Variants in PABPC4L observed in about 807,000 individuals in gnomAD.
The protein encoded by PABPC4L is poly(A) binding protein cytoplasmic 4 like, also known as polyadenylate-binding protein 4-like.
For missense variants in PABPC4L, 452 were observed against 451.4 expected (o/e 1.00, Z -0.01); for synonymous variants, 169 against 164.1 (o/e 1.03, Z -0.23).
At chr4:134,069,731 A>G in the PABPC4L span, among the ~76,000 whole-genome samples, 3 of 152,138 alleles carry the variant, frequency 2.0e-5, no homozygotes, top group African/African-American at 2.4e-5. Context: ...ATTTTATTAC[A>G]TTCCTTAAAA....
chr4:134,103,920 T>G, the PABPC4L span, among the ~76,000 whole-genome samples: 1 of 151,706 alleles, frequency 6.6e-6, no homozygotes, highest in Non-Finnish European at 1.5e-5. Flanking sequence ...TGCTTTTTAA[T>G]CAATTTTTTC....
rs1224390590 is a variant in PABPC4L, at chr4:134,200,561, G to T, written c.459C>A (p.Ala153=). Residue 153 remains alanine, a synonymous_variant, in exon 2 of 2, where the codon GCC becomes GCA. Coordinates refer to ENST00000421491, the MANE Select transcript of PABPC4L (RefSeq NM_001114734.2). The part of the protein sequence containing the change: ...HFQNQSAADR[A]IEEMNGKLLK... ...GTAGTTTTCCATTCATCTCCTCAAT[G>T]GCCCTGTCTGCAGCACTCTGGTTCT... 3 of 1,551,490 alleles carry T rather than the reference G, an allele frequency of 1.9e-6. No homozygotes were observed. Among genetic ancestry groups the T allele is most frequent in the South Asian group, 1.2e-5 (1 of 84,064 alleles).
the PABPC4L span, among the ~76,000 whole-genome samples, chr4:134,053,028 C>T: frequency 6.6e-6 from 1 of 151,946 alleles, no homozygotes; most frequent in South Asian, 2.1e-4. Context: ...CTGTCTATAA[C>T]CATGCTTTGA....
chr4:134,076,719 T>A, the PABPC4L span, among the ~76,000 whole-genome samples: 1 of 152,140 alleles, frequency 6.6e-6, no homozygotes, highest in South Asian at 2.1e-4. Flanking sequence ...GGTAAGCAAC[T>A]GAGCATGTGG....
the PABPC4L span, among the ~76,000 whole-genome samples, chr4:134,056,223 C>T: frequency 9.9e-5 from 15 of 151,878 alleles, no homozygotes; most frequent in African/African-American, 1.4e-4. Context: ...ATATCAATAA[C>T]GCACAGTTTT....
chr4:134,091,000 C>T, the PABPC4L span, among the ~76,000 whole-genome samples: 13 of 151,702 alleles, frequency 8.6e-5, no homozygotes, highest in Non-Finnish European at 1.6e-4. Context: ...CTCATTTTTC[C>T]ATATTACTTT....
the PABPC4L span, among the ~76,000 whole-genome samples, chr4:134,123,601 T>C: frequency 6.6e-6 from 1 of 151,954 alleles, no homozygotes; most frequent in Non-Finnish European, 1.5e-5. Flanking sequence ...CAGAATAGAC[T>C]GTAGACTATA....
the PABPC4L span, among the ~76,000 whole-genome samples, chr4:133,979,631 A>T: frequency 7.7e-4 from 117 of 152,274 alleles, 2 homozygotes; most frequent in South Asian, 0.018. Flanking sequence ...CTTTAAGCAT[A>T]CAACAGGTCC....
At chr4:134,164,123 C>T in the PABPC4L span, among the ~76,000 whole-genome samples, 1 of 150,362 alleles carries the variant, frequency 6.7e-6, no homozygotes, top group South Asian at 2.1e-4. Context: ...ATTAGCCGGG[C>T]GTAGTGGCGG....
chr4:134,099,973 G>A, the PABPC4L span, among the ~76,000 whole-genome samples: 1 of 151,678 alleles, frequency 6.6e-6, no homozygotes, highest in Non-Finnish European at 1.5e-5. Context: ...ACTATTTCCA[G>A]TATTATCCCC....
chr4:134,038,383 T>C, the PABPC4L span, among the ~76,000 whole-genome samples: 1 of 152,152 alleles, frequency 6.6e-6, no homozygotes, highest in Non-Finnish European at 1.5e-5. Context: ...TTTTGAATAG[T>C]TTCAGGAGGA....
At chr4:134,170,395 T>C in the PABPC4L span, among the ~76,000 whole-genome samples, 1 of 152,140 alleles carries the variant, frequency 6.6e-6, no homozygotes, top group Non-Finnish European at 1.5e-5. Context: ...TGATAGAATG[T>C]ATCAGTCCAT....
At chr4:134,018,869 A>G in the PABPC4L span, among the ~76,000 whole-genome samples, 2 of 152,216 alleles carry the variant, frequency 1.3e-5, no homozygotes, top group African/African-American at 4.8e-5. Context: ...AGTAACTCCA[A>G]TTTGATTTCT....
At chr4:134,031,192 T>C in the PABPC4L span, among the ~76,000 whole-genome samples, 1 of 152,016 alleles carries the variant, frequency 6.6e-6, no homozygotes, top group Non-Finnish European at 1.5e-5. Flanking sequence ...TTATATCTGT[T>C]ATAGTTTATA....
the PABPC4L span, among the ~76,000 whole-genome samples, chr4:134,011,858 A>T: frequency 1.3e-5 from 2 of 152,272 alleles, no homozygotes; most frequent in Middle Eastern, 3.4e-3. Flanking sequence ...CAGGATGGAA[A>T]GCTATTTACA....
At chr4:134,009,434 T>C in the PABPC4L span, among the ~76,000 whole-genome samples, 1 of 151,998 alleles carries the variant, frequency 6.6e-6, no homozygotes, top group African/African-American at 2.4e-5. Flanking sequence ...ATGGTCTATC[T>C]GCTCTCATTA....
chr4:133,973,006 C>T, the PABPC4L span, among the ~76,000 whole-genome samples: 1 of 152,054 alleles, frequency 6.6e-6, no homozygotes. Context: ...CTCATAAGGT[C>T]TGGATGTCCT....
At chr4:133,998,465 A>G in the PABPC4L span, among the ~76,000 whole-genome samples, 1 of 151,794 alleles carries the variant, frequency 6.6e-6, no homozygotes, top group East Asian at 1.9e-4. Context: ...TACTATTGCA[A>G]AAATAAAAAT....
chr4:134,023,569 T>C, the PABPC4L span, among the ~76,000 whole-genome samples: 1 of 152,114 alleles, frequency 6.6e-6, no homozygotes, highest in Non-Finnish European at 1.5e-5. Flanking sequence ...TATTTTTCAC[T>C]TTTTAAATGT....
Sources: allele counts gnomAD v4.1 joint callset (sites outside exome capture counted in the v4.1 genomes callset), GRCh38; gene constraint gnomAD v4.1.1; transcripts MANE v1.5; gene names NCBI Gene and HGNC (gene_info 2026-07-23, HGNC 2026-07-21).